Variants in AKAP11 observed in about 807,000 individuals in gnomAD.
AKAP11 encodes the protein A-kinase anchor protein 11.
In AKAP11, 36 loss-of-function variants were observed where a neutral mutation model predicts 146.1. The ratio of observed to expected loss-of-function variants is 0.25; its 90% confidence interval spans 0.19 to 0.33. The LOEUF is 0.33. AKAP11 is among the 10% of genes least tolerant of loss of function. The pLI is 1.00. For synonymous variants in AKAP11, 780 were observed against 786.5 expected, an observed-to-expected ratio of 0.99 and a Z score of 0.14; for missense variants, 2,201 against 2,197.0, an observed-to-expected ratio of 1.00 and a Z score of -0.04.
At position 42,308,902 on chromosome 13, in the gene AKAP11, A is replaced by T. The variant is rs565668707; in HGVS notation, c.5273+293A>T. 8.4e-3 allele frequency among the ~76,000 whole-genome samples: 1,271 copies of T among 150,726 alleles called. 11 individuals carry two copies. The highest frequency in any genetic ancestry group is 0.035 in the South Asian group (168 of 4,758). ...ACTTTTTATGAACTTCTGAGGAAAA[A>T]TTTTTTTTTTCACTTTAAAAAGGGT... On this transcript the variant is annotated intron_variant, in intron 9 of 12. Coordinates refer to ENST00000025301, the MANE Select transcript of AKAP11 (RefSeq NM_016248.4).
At chr13:42,316,969 C>T (rs924332080) in intron 11 of AKAP11, among the ~76,000 whole-genome samples, 2 of 152,168 alleles carry the variant, frequency 1.3e-5, no homozygotes, top group Non-Finnish European at 2.9e-5. Context: ...CCTCTGCCTC[C>T]TGGGTTCCAG....
chr13:42,282,260 CTTT>C (rs768248255), intron 1 of AKAP11, among the ~76,000 whole-genome samples: 7 of 112,362 alleles, frequency 6.2e-5, no homozygotes, highest in Non-Finnish European at 7.4e-5. Context: ...CTAGGCCAGT[CTTT>C]TTTTTTTTTT....
chr13:42,286,995 A>G (rs773607352), intron 3 of AKAP11, among the ~76,000 whole-genome samples: 4 of 152,236 alleles, frequency 2.6e-5, no homozygotes, highest in Admixed American at 6.5e-5. Context: ...TCTGGACTTC[A>G]TCTTCTGCAT....
chr13:42,299,427 T>G lies in AKAP11; in HGVS notation c.681T>G (p.His227Gln). The change falls in exon 8 of 13, where the codon CAT becomes CAG. Residue 227 changes from histidine (H) to glutamine (Q), a missense_variant. Around this residue, in one of 3 missense-constraint regions of AKAP11, gnomAD observed 331 missense variants for 347.4 expected, o/e 0.95. Coordinates refer to ENST00000025301, the MANE Select transcript of AKAP11 (RefSeq NM_016248.4). ...DAASQTVTGH[H>Q]LETHDLKILI... The stretch of plus-strand genomic sequence containing the variant: ...CTTCCCAGACGGTTACTGGTCATCA[T>G]TTAGAAACCCATGATTTAAAGATTC... The G allele has an allele frequency of 6.2e-7, 1 of 1,613,854 alleles. No homozygotes were observed.
chr13:42,279,777 CTGTTGCT>C (rs1277491424), intron 1 of AKAP11, among the ~76,000 whole-genome samples: 1 of 152,030 alleles, frequency 6.6e-6, no homozygotes, highest in East Asian at 1.9e-4. Flanking sequence ...TGAGTTTATA[CTGTTGCT>C]TGCTTGATTT....
In AKAP11 at chr13:42,300,734, G is replaced by T. The variant is rs1959828295; in HGVS notation, c.1988G>T (p.Cys663Phe). 6.2e-7 allele frequency: 1 copy of T among 1,613,938 alleles called. No homozygotes were observed. Among genetic ancestry groups the T allele is most frequent in the Admixed American group, 1.7e-5 (1 of 59,992 alleles). ...GTTTTTGAAGGCATCATGGAGGTGT[G>T]TCAGTTTTCATATCCTCAAACGCCT... ...ELVFEGIMEV[C>F]QFSYPQTPAS... is the part of the protein sequence containing the mutation. The change falls in exon 8 of 13, where the codon TGT (cysteine) becomes TTT (phenylalanine). Residue 663 changes from cysteine to phenylalanine, a missense_variant. By Grantham distance (205) the Cys-to-Phe change is radical (BLOSUM62 -2). Coordinates refer to ENST00000025301, the MANE Select transcript of AKAP11 (RefSeq NM_016248.4).
chr13:42,291,987 G>C (rs1438323256), intron 3 of AKAP11, among the ~76,000 whole-genome samples: 1 of 152,186 alleles, frequency 6.6e-6, no homozygotes, highest in East Asian at 1.9e-4. Context: ...AGTAATCACT[G>C]TTGTGCACCT....
intron 1 of AKAP11, among the ~76,000 whole-genome samples, chr13:42,279,295 A>T (rs2324859): frequency 0.12 from 17,678 of 142,792 alleles, 1,093 homozygotes; most frequent in African/African-American, 0.14. Context: ...TCTCTCTCTC[A>T]CTCACTCACT....
At position 42,302,472 on chromosome 13, in the gene AKAP11, G is replaced by T; in HGVS notation, c.3726G>T (p.Ser1242=). 1.2e-6 allele frequency: 2 copies of T among 1,614,122 alleles called. No individual in the cohort carries two copies. Among genetic ancestry groups the T allele is most frequent in the Non-Finnish European group, 1.7e-6 (2 of 1,180,024 alleles). ...ATGTGCAAAGTCAAAGAAGTGTGTC[G>T]CCTACTTTTTTAAACCCCTCAGACG... ...CLNVQSQRSV[S]PTFLNPSDEN... The change falls in exon 8 of 13, where the codon TCG becomes TCT. Residue 1242 remains serine, a synonymous_variant. Coordinates refer to ENST00000025301, the MANE Select transcript of AKAP11 (RefSeq NM_016248.4).
intron 1 of AKAP11, among the ~76,000 whole-genome samples, chr13:42,274,919 C>T (rs1958877534): frequency 6.6e-6 from 1 of 152,192 alleles, no homozygotes; most frequent in African/African-American, 2.4e-5. Context: ...GCCTCATTTT[C>T]TTCATACCCA....
At position 42,317,418 on chromosome 13, in the gene AKAP11, C is replaced by T. The variant is rs1184757345; in HGVS notation, c.5405-110C>T. 7 of 1,135,658 alleles carry T rather than the reference C, an allele frequency of 6.2e-6. No homozygotes were observed. The Admixed American group carries it at 1.4e-4, about 23-fold the overall frequency. 70.3% of individuals were successfully genotyped at this position (1,135,658 alleles called of 1,614,324 possible). A position where few individuals can be genotyped will look rare whatever the true frequency, so the allele number is the denominator to read the frequency against. On this transcript the variant is annotated intron_variant, in intron 11 of 12. Coordinates refer to ENST00000025301, the MANE Select transcript of AKAP11 (RefSeq NM_016248.4). ...AGAAAAAGATGGATATTTTTTTCAC[C>T]ATTCATTAGAATCCTAAGAACCAGA...
In AKAP11 at chr13:42,317,803, C is replaced by T. The variant is rs955785603; in HGVS notation, c.5565+115C>T. 2.4e-6 allele frequency: 3 copies of T among 1,235,766 alleles called. No individual in the cohort carries two copies. The African/African-American group carries it at 4.6e-5, about 19-fold the overall frequency. The allele number at this position is 1,235,766 out of a possible 1,614,324, so 76.6% of individuals were successfully genotyped here. A position where few individuals can be genotyped will look rare whatever the true frequency, so the allele number is the denominator to read the frequency against. ...GGTTAAATTCTTAGGCTGTAGTGTC[C>T]AACAGTTTGGGTTCAGACATCAGCT... On this transcript the variant is annotated intron_variant, in intron 12 of 12. Coordinates refer to ENST00000025301, the MANE Select transcript of AKAP11 (RefSeq NM_016248.4).
At chr13:42,313,969 G>T in intron 11 of AKAP11, 29 bp downstream of exon 11, 1 of 1,611,636 alleles carries the variant, frequency 6.2e-7, no homozygotes, top group Non-Finnish European at 8.5e-7. Flanking sequence ...CAAAGTGTTG[G>T]CATGTGTTTT....
chr13:42,291,275 C>T (rs528556370), intron 3 of AKAP11, among the ~76,000 whole-genome samples: 2 of 152,170 alleles, frequency 1.3e-5, no homozygotes, highest in Admixed American at 6.5e-5. Flanking sequence ...GTTTTCGAGA[C>T]GGAATCTCAC....
chr13:42,311,003 A>G (rs1960534487), intron 9 of AKAP11, among the ~76,000 whole-genome samples: 1 of 142,874 alleles, frequency 7.0e-6, no homozygotes, highest in African/African-American at 2.6e-5. Flanking sequence ...TTATTTGATC[A>G]GAAAAGAACT....
In AKAP11 at chr13:42,276,923, G is replaced by C. The variant is rs147504310; in HGVS notation, c.-100+4695G>C. On this transcript the variant is annotated intron_variant, in intron 1 of 12. Coordinates refer to ENST00000025301, the MANE Select transcript of AKAP11 (RefSeq NM_016248.4). ...ACTGATAAAAAGAAATGTGTTCCTGGGTTAAAATTCTGAACATATTTTCTG... is the reference window on the plus strand; with the variant it reads ...ACTGATAAAAAGAAATGTGTTCCTGCGTTAAAATTCTGAACATATTTTCTG... 5.2e-3 allele frequency among the ~76,000 whole-genome samples: 794 copies of C among 152,242 alleles called. 4 individuals carry two copies. The highest frequency in any genetic ancestry group is 0.016 in the African/African-American group (684 of 41,532).
chr13:42,272,982 T>C (rs979447558), intron 1 of AKAP11, among the ~76,000 whole-genome samples: 6 of 152,246 alleles, frequency 3.9e-5, no homozygotes, highest in Non-Finnish European at 7.3e-5. Context: ...TCATTTTTTT[T>C]CTCTGCTTTG....
chr13:42,289,162 C>G (rs1959187336), intron 3 of AKAP11, among the ~76,000 whole-genome samples: 1 of 152,146 alleles, frequency 6.6e-6, no homozygotes. Context: ...TTCCTGAATT[C>G]ATTATTTCAT....
At chr13:42,285,004 G>T (rs769562047) in intron 1 of AKAP11, among the ~76,000 whole-genome samples, 4 of 152,174 alleles carry the variant, frequency 2.6e-5, no homozygotes, top group Non-Finnish European at 5.9e-5. Context: ...AATCTCTAAA[G>T]AAGTGTGTGT....
Sources: allele counts gnomAD v4.1 joint callset (sites outside exome capture counted in the v4.1 genomes callset), GRCh38; gene constraint gnomAD v4.1.1; regional missense constraint gnomAD v4.1.1; transcripts MANE v1.5; gene names NCBI Gene and HGNC (gene_info 2026-07-23, HGNC 2026-07-21).